Variants in PSD3 observed in about 807,000 individuals in gnomAD.
PSD3 encodes the protein PH and SEC7 domain-containing protein 3.
Under a neutral mutation model 105.5 loss-of-function variants are expected in PSD3, and 49 were observed. The observed-to-expected ratio is 0.46, with a 90% CI of 0.37 to 0.59. PSD3 has a LOEUF of 0.59. Among genes scored for constraint, PSD3 ranks in the 20% least tolerant of loss-of-function variants. The probability of loss-of-function intolerance (pLI) is 0.00; values close to 1 mark genes in which losing one functional copy is unlikely to be tolerated. For synonymous variants in PSD3, 557 were observed against 457.8 expected, an observed-to-expected ratio of 1.22 and a Z score of -2.77; for missense variants, 1,561 against 1,263.8, an observed-to-expected ratio of 1.24 and a Z score of -3.57.
chr8:18,898,668 T>C (rs190857727), intron 2 of PSD3, among the ~76,000 whole-genome samples: 1 of 152,328 alleles, frequency 6.6e-6, no homozygotes, highest in Admixed American at 6.5e-5. Flanking sequence ...GTATGTATTA[T>C]ATACTTTATT....
At chr8:18,820,360 T>A (rs544050834) in intron 4 of PSD3, among the ~76,000 whole-genome samples, 12 of 152,252 alleles carry the variant, frequency 7.9e-5, no homozygotes, top group East Asian at 5.8e-4. Context: ...AAATTTGATG[T>A]TGTTTGTTTT....
intron 4 of PSD3, among the ~76,000 whole-genome samples, chr8:18,806,809 G>C (rs1198823936): frequency 6.6e-6 from 1 of 151,958 alleles, no homozygotes; most frequent in African/African-American, 2.4e-5. Context: ...GTCTAAACCA[G>C]GACACTCTAA....
chr8:18,826,964 C>T (rs567173573), intron 4 of PSD3, among the ~76,000 whole-genome samples: 1 of 152,166 alleles, frequency 6.6e-6, no homozygotes, highest in Non-Finnish European at 1.5e-5. Flanking sequence ...ATAATAGTAT[C>T]AGCTCATACC....
intron 1 of PSD3, among the ~76,000 whole-genome samples, chr8:19,076,823 A>T (rs1227376926): frequency 6.6e-6 from 1 of 151,854 alleles, no homozygotes; most frequent in Non-Finnish European, 1.5e-5. Context: ...AATTAGAGCT[A>T]TACAGCTACT....
intron 4 of PSD3, among the ~76,000 whole-genome samples, chr8:18,835,832 A>T (rs1036495930): frequency 2.0e-4 from 31 of 152,192 alleles, no homozygotes; most frequent in African/African-American, 7.0e-4. Context: ...AGAGTGAGCA[A>T]CAAGAGTGGG....
chr8:18,911,422 A>G (rs1291295927), intron 2 of PSD3, among the ~76,000 whole-genome samples: 1 of 152,170 alleles, frequency 6.6e-6, no homozygotes, highest in Non-Finnish European at 1.5e-5. Context: ...GACAGCCTTG[A>G]TGTCATGCTT....
chr8:18,905,387 G>C (rs535666854), intron 2 of PSD3, among the ~76,000 whole-genome samples: 2 of 152,084 alleles, frequency 1.3e-5, no homozygotes, highest in African/African-American at 4.8e-5. Context: ...GCAGTGGCGC[G>C]ATCTCAGCTC....
chr8:18,636,684 G>A (rs1192006518), intron 10 of PSD3, among the ~76,000 whole-genome samples: 1 of 152,096 alleles, frequency 6.6e-6, no homozygotes, highest in Non-Finnish European at 1.5e-5. Context: ...TGCCATATTT[G>A]TTGCTGTTCA....
intron 1 of PSD3, among the ~76,000 whole-genome samples, chr8:19,071,188 T>G (rs959448185): frequency 2.6e-5 from 4 of 152,056 alleles, no homozygotes; most frequent in Admixed American, 1.3e-4. Context: ...GCCTCCCGAT[T>G]AGCTGGGATT....
At chr8:18,903,460 T>C (rs35224332) in intron 2 of PSD3, among the ~76,000 whole-genome samples, 31,259 of 152,030 alleles carry the variant, frequency 0.21, 3,526 homozygotes, top group South Asian at 0.35. Context: ...AAATAGCACA[T>C]TGATGATTCC....
chr8:18,641,867 G>A (rs1377227540), intron 10 of PSD3, among the ~76,000 whole-genome samples: 2 of 143,168 alleles, frequency 1.4e-5, no homozygotes, highest in Non-Finnish European at 3.1e-5. Flanking sequence ...TATACCACGA[G>A]GCAGGATGAG....
chr8:18,804,355 C>A (rs944007342), intron 6 of PSD3, 167 bp downstream of exon 6: 4 of 590,494 alleles, frequency 6.8e-6, no homozygotes, highest in Non-Finnish European at 1.1e-5. Flanking sequence ...TGACAAAATC[C>A]AAAATCCACA....
At chr8:18,671,852 C>T (rs940109369) in intron 9 of PSD3, among the ~76,000 whole-genome samples, 4 of 152,084 alleles carry the variant, frequency 2.6e-5, no homozygotes, top group African/African-American at 4.8e-5. Context: ...AGAATGGTCT[C>T]GATCTCCTGA....
chr8:18,844,454 A>C (rs1329029333), intron 4 of PSD3, among the ~76,000 whole-genome samples: 2 of 152,198 alleles, frequency 1.3e-5, no homozygotes, highest in Admixed American at 6.5e-5. Context: ...TCTTACATGG[A>C]AACAACTTAA....
intron 12 of PSD3, among the ~76,000 whole-genome samples, chr8:18,576,527 C>A (rs1485766459): frequency 6.6e-6 from 1 of 152,114 alleles, no homozygotes; most frequent in Non-Finnish European, 1.5e-5. Flanking sequence ...GTTTTAAGAT[C>A]TGCCTTGTCA....
chr8:19,019,576 G>A lies in PSD3; in HGVS notation c.324+64630C>T, dbSNP rs79146605. 4.3e-4 allele frequency among the ~76,000 whole-genome samples: 65 copies of A among 152,240 alleles called. No homozygotes were observed. The East Asian group carries it at 7.9e-3, about 19-fold the overall frequency. ...ATTAGAATACAGAACATAAGTGCCA[G>A]TCTTATTTATTTGTTATTGTATTCC... On this transcript the variant is annotated intron_variant, in intron 1 of 1. Coordinates refer to the PSD3 transcript ENST00000521475.
At chr8:18,537,626 CT>C (rs1215114442) in intron 15 of PSD3, among the ~76,000 whole-genome samples, 1 of 151,778 alleles carries the variant, frequency 6.6e-6, no homozygotes, top group African/African-American at 2.4e-5. Context: ...AGAGATTTTG[CT>C]TTCTGATAAA....
chr8:18,641,777 T>C lies in PSD3; in HGVS notation c.2217-8971A>G, dbSNP rs139443905. ...ACATCTCAATACTGTGATCAGATGA[T>C]TGCAGGAAAATAAAGCGAAGAATGA... On this transcript the variant is annotated intron_variant, in intron 10 of 15. Transcript: ENST00000327040. Among the ~76,000 whole-genome samples the C allele has an allele frequency of 1.2e-3, 182 of 152,270 alleles. 2 individuals are homozygous for C. In the East Asian group the frequency reaches 0.018, roughly 15 times the overall value.
intron 15 of PSD3, among the ~76,000 whole-genome samples, chr8:18,555,189 G>C (rs897138116): frequency 6.6e-5 from 10 of 152,084 alleles, no homozygotes; most frequent in Non-Finnish European, 1.3e-4. Flanking sequence ...CGGAGTGAGA[G>C]GAGAAAGCCA....
Sources: gnomAD v4.1 joint callset for allele counts (sites outside exome capture counted in the v4.1 genomes callset) on GRCh38, gnomAD v4.1.1 for gene constraint, MANE v1.5 for transcripts, NCBI Gene and HGNC (gene_info 2026-07-23, HGNC 2026-07-21) for gene names.